The following ADAMTS19 variants were observed in gnomAD, a reference collection of about 807,000 sequenced individuals.
ADAMTS19 encodes the protein ADAM metallopeptidase with thrombospondin type 1 motif 19.
Under a neutral mutation model 153.3 loss-of-function variants are expected in ADAMTS19, and 93 were observed. The observed-to-expected ratio is 0.61, with a 90% CI of 0.51 to 0.72. The LOEUF (loss-of-function observed/expected upper bound fraction) is 0.72, where lower values mean the gene tolerates loss of function less well. Ranked by LOEUF, ADAMTS19 falls within the 30% of genes least tolerant of loss-of-function variation. ADAMTS19 has a pLI of 0.00. For synonymous variants in ADAMTS19, 600 were observed against 556.6 expected, an observed-to-expected ratio of 1.08 and a Z score of -1.10; for missense variants, 1,482 against 1,552.1, an observed-to-expected ratio of 0.95 and a Z score of 0.76.
At chr5:129,533,105 A>C (rs1752272589) in intron 6 of ADAMTS19, among the ~76,000 whole-genome samples, 1 of 152,136 alleles carries the variant, frequency 6.6e-6, no homozygotes, top group Non-Finnish European at 1.5e-5. Context: ...TCCACCACAA[A>C]AAAAAAAATT....
chr5:129,474,384 T>C (rs1750159502), intron 2 of ADAMTS19, among the ~76,000 whole-genome samples: 1 of 152,168 alleles, frequency 6.6e-6, no homozygotes, highest in Non-Finnish European at 1.5e-5. Flanking sequence ...TGTCTTTGTG[T>C]AGATGGGTAT....
chr5:129,479,747 C>A (rs535152258), intron 2 of ADAMTS19, among the ~76,000 whole-genome samples: 1 of 151,924 alleles, frequency 6.6e-6, no homozygotes, highest in Non-Finnish European at 1.5e-5. Context: ...ACAAAATATG[C>A]CCTGCACCTG....
intron 6 of ADAMTS19, among the ~76,000 whole-genome samples, 191 bp from the exon 7 acceptor site, chr5:129,551,673 C>G (rs1292881656): frequency 6.6e-6 from 1 of 151,652 alleles, no homozygotes; most frequent in Non-Finnish European, 1.5e-5. Flanking sequence ...TTAATTATAT[C>G]ATGTGCTATA....
chr5:129,489,577 A>G (rs1383641127), intron 2 of ADAMTS19, among the ~76,000 whole-genome samples: 2 of 152,218 alleles, frequency 1.3e-5, no homozygotes, highest in African/African-American at 2.4e-5. Context: ...AGTACATTTT[A>G]CATATAGCTA....
chr5:129,727,251 A>G (rs988173186), intron 21 of ADAMTS19, among the ~76,000 whole-genome samples: 1 of 152,210 alleles, frequency 6.6e-6, no homozygotes, highest in Non-Finnish European at 1.5e-5. Flanking sequence ...CTGTCCCAGT[A>G]TGCCTACAGT....
intron 7 of ADAMTS19, among the ~76,000 whole-genome samples, chr5:129,555,620 A>G (rs1041203784): frequency 6.6e-6 from 1 of 152,158 alleles, no homozygotes; most frequent in African/African-American, 2.4e-5. Context: ...TGAAACTGTG[A>G]CAGTCGCAAA....
At chr5:129,562,633 TGTGTGC>T (rs1367954721) in intron 7 of ADAMTS19, among the ~76,000 whole-genome samples, 1 of 152,162 alleles carries the variant, frequency 6.6e-6, no homozygotes, top group Non-Finnish European at 1.5e-5. Context: ...TTTACGTGTG[TGTGTGC>T]GTGTGTGTGT....
intron 18 of ADAMTS19, among the ~76,000 whole-genome samples, chr5:129,690,926 TA>T (rs1437298413): frequency 6.6e-6 from 1 of 152,198 alleles, no homozygotes; most frequent in African/African-American, 2.4e-5. Context: ...TTTAGAATGT[TA>T]AATAATGTAT....
intron 10 of ADAMTS19, among the ~76,000 whole-genome samples, chr5:129,635,660 C>T (rs540404409): frequency 2.0e-5 from 3 of 152,176 alleles, no homozygotes; most frequent in South Asian, 2.1e-4. Flanking sequence ...AACAGAAAAC[C>T]GAATACCACA....
chr5:129,538,385 T>C (rs748206803), intron 6 of ADAMTS19, among the ~76,000 whole-genome samples: 6 of 152,150 alleles, frequency 3.9e-5, no homozygotes, highest in Non-Finnish European at 7.4e-5. Flanking sequence ...ACAAAATATA[T>C]TGTGGCATTA....
chr5:129,640,835 T>C (rs1752755771), intron 10 of ADAMTS19, among the ~76,000 whole-genome samples: 1 of 152,054 alleles, frequency 6.6e-6, no homozygotes, highest in Non-Finnish European at 1.5e-5. Flanking sequence ...CTTTTTTTTT[T>C]CTTTTTTGAG....
intron 8 of ADAMTS19, among the ~76,000 whole-genome samples, chr5:129,599,109 T>C (rs1034727193): frequency 1.4e-4 from 21 of 151,828 alleles, no homozygotes; most frequent in Non-Finnish European, 1.5e-5. Context: ...AAGATAAATA[T>C]ACTTTAACAT....
chr5:129,622,814 C>T (rs1011378240), intron 10 of ADAMTS19, among the ~76,000 whole-genome samples: 5 of 152,126 alleles, frequency 3.3e-5, no homozygotes, highest in African/African-American at 1.2e-4. Flanking sequence ...CCCTAGATTA[C>T]TTACAGAACT....
chr5:129,553,863 G>T (rs1215710604), intron 7 of ADAMTS19, among the ~76,000 whole-genome samples: 2 of 152,086 alleles, frequency 1.3e-5, no homozygotes, highest in African/African-American at 4.8e-5. Flanking sequence ...CACTACCTAT[G>T]CCTATGTCTG....
intron 7 of ADAMTS19, among the ~76,000 whole-genome samples, chr5:129,559,676 T>C (rs1401538303): frequency 6.6e-6 from 1 of 152,204 alleles, no homozygotes; most frequent in Non-Finnish European, 1.5e-5. Flanking sequence ...CCTATATGCA[T>C]TAAAGACATG....
At chr5:129,608,116 GTATATATA>G (rs1554098182) in intron 8 of ADAMTS19, among the ~76,000 whole-genome samples, 5 of 47,928 alleles carry the variant, frequency 1.0e-4, no homozygotes, top group Admixed American at 2.8e-4. Context: ...GTGTGTGTGT[GTATATATA>G]TATATATATA....
At chr5:129,557,876 C>CT (rs200279667) in intron 7 of ADAMTS19, among the ~76,000 whole-genome samples, 76 of 145,014 alleles carry the variant, frequency 5.2e-4, no homozygotes, top group Middle Eastern at 3.6e-3. Flanking sequence ...TCTTACAATG[C>CT]TTTTTTTTTT....
chr5:129,544,372 A>G (rs770135360), intron 6 of ADAMTS19, among the ~76,000 whole-genome samples: 19 of 152,204 alleles, frequency 1.2e-4, no homozygotes, highest in Non-Finnish European at 2.5e-4. Context: ...ATAAAATGTA[A>G]TAATAAAAAA....
intron 3 of ADAMTS19, among the ~76,000 whole-genome samples, chr5:129,513,046 A>C (rs938807020): frequency 6.6e-6 from 1 of 151,936 alleles, no homozygotes; most frequent in Non-Finnish European, 1.5e-5. Flanking sequence ...TGTAATAGTA[A>C]CTTCTATTCA....
Sources: allele counts gnomAD v4.1 joint callset (sites outside exome capture counted in the v4.1 genomes callset), GRCh38; gene constraint gnomAD v4.1.1; transcripts MANE v1.5; gene names NCBI Gene and HGNC (gene_info 2026-07-23, HGNC 2026-07-21).